The following INTS7 variants were observed in gnomAD, a reference collection of about 807,000 sequenced individuals.
INTS7 encodes the protein chromosome 1 open reading frame 73.
INTS7 carries 46 observed loss-of-function variants against 109.2 expected under a neutral mutation model. The observed-to-expected ratio is 0.42, with a 90% CI of 0.33 to 0.54. The LOEUF is 0.54. Among genes scored for constraint, INTS7 ranks in the 20% least tolerant of loss-of-function variants. The probability of loss-of-function intolerance (pLI) is 0.07; values close to 1 mark genes in which losing one functional copy is unlikely to be tolerated. For missense variants in INTS7, 929 were observed against 1,132.4 expected, an observed-to-expected ratio of 0.82 and a Z score of 2.58; for synonymous variants, 412 against 402.9, an observed-to-expected ratio of 1.02 and a Z score of -0.27.
chr1:212,008,089 A>G (rs990269614), intron 5 of INTS7, among the ~76,000 whole-genome samples: 1 of 152,220 alleles, frequency 6.6e-6, no homozygotes, highest in Non-Finnish European at 1.5e-5. Context: ...ACATGCCACA[A>G]GCTAATTATA....
intron 13 of INTS7, among the ~76,000 whole-genome samples, chr1:211,969,805 G>A (rs1400264077): frequency 6.0e-5 from 9 of 150,948 alleles, no homozygotes; most frequent in South Asian, 2.1e-4. Flanking sequence ...TGCAAGCTCC[G>A]TCTTCCGGGT....
At chr1:211,951,358 G>A (rs185528470) in intron 17 of INTS7, among the ~76,000 whole-genome samples, 26 of 152,268 alleles carry the variant, frequency 1.7e-4, no homozygotes, top group Middle Eastern at 3.4e-3. Context: ...GCCCGGGCTG[G>A]AGTGCAGTGG....
At chr1:211,983,966 G>T (rs553778010) in intron 8 of INTS7, among the ~76,000 whole-genome samples, 5 of 151,996 alleles carry the variant, frequency 3.3e-5, no homozygotes, top group African/African-American at 9.6e-5. Context: ...CAGGACTCCA[G>T]CGATCCTCCC....
intron 7 of INTS7, among the ~76,000 whole-genome samples, chr1:212,000,686 C>A (rs759188943): frequency 5.3e-5 from 8 of 152,304 alleles, no homozygotes; most frequent in Non-Finnish European, 1.2e-4. Context: ...TTCTTTAAAA[C>A]CTTTCTCTTT....
intron 3 of INTS7, among the ~76,000 whole-genome samples, chr1:212,017,617 A>T (rs1666497918): frequency 6.6e-6 from 1 of 152,260 alleles, no homozygotes; most frequent in African/African-American, 2.4e-5. Flanking sequence ...AAGGAAAAAA[A>T]TCTATTGTTT....
intron 8 of INTS7, among the ~76,000 whole-genome samples, chr1:211,986,281 A>T (rs1008463726): frequency 6.6e-6 from 1 of 152,110 alleles, no homozygotes; most frequent in African/African-American, 2.4e-5. Flanking sequence ...GACCATAATC[A>T]CACAAGTGAC....
At position 211,968,708 on chromosome 1, in the gene INTS7, CT is replaced by C. The variant is rs1343631626; in HGVS notation, c.1816-2del. On this transcript the variant is annotated splice_acceptor_variant, in intron 13 of 19. Coordinates refer to ENST00000366994, the MANE Select transcript of INTS7 (RefSeq NM_015434.4). LOFTEE classifies it high-confidence loss of function. Reference sequence around the variant, plus strand: ...AAGGATTCAGTGGTGTACTAGCTGCCTGGGAAAAAAAAAAAAAAGAGATATT... The same window carrying C: ...AAGGATTCAGTGGTGTACTAGCTGCCGGGAAAAAAAAAAAAAAGAGATATT... 1 of 1,536,964 alleles carries C rather than the reference CT, an allele frequency of 6.5e-7. No homozygotes were observed. Among genetic ancestry groups the C allele is most frequent in the Non-Finnish European group, 8.7e-7 (1 of 1,143,194 alleles).
At chr1:212,031,560 C>A (rs532679489) in intron 1 of INTS7, among the ~76,000 whole-genome samples, 7 of 152,188 alleles carry the variant, frequency 4.6e-5, no homozygotes, top group Non-Finnish European at 1.0e-4. Context: ...AACTTCTTGT[C>A]CTGACTAACG....
At chr1:212,002,776 T>A (rs1332178121) in intron 7 of INTS7, among the ~76,000 whole-genome samples, 2 of 152,234 alleles carry the variant, frequency 1.3e-5, no homozygotes, top group Admixed American at 6.5e-5. Context: ...TTTATCACTG[T>A]CTGACGTCTC....
At chr1:212,009,706 T>C (rs985024202) in intron 5 of INTS7, among the ~76,000 whole-genome samples, 1 of 152,242 alleles carries the variant, frequency 6.6e-6, no homozygotes, top group Non-Finnish European at 1.5e-5. Flanking sequence ...CCTTGAGTTA[T>C]CTTAATTCAA....
chr1:212,019,400 A>G (rs1484185795), intron 3 of INTS7, among the ~76,000 whole-genome samples: 5 of 152,206 alleles, frequency 3.3e-5, no homozygotes, highest in Non-Finnish European at 4.4e-5. Flanking sequence ...TCTGAACAAG[A>G]AGGAAGAACT....
intron 13 of INTS7, among the ~76,000 whole-genome samples, chr1:211,970,934 G>A (rs1055183034): frequency 1.3e-5 from 2 of 152,180 alleles, no homozygotes; most frequent in Non-Finnish European, 2.9e-5. Context: ...AGGAACAGGA[G>A]TATTCTTAGC....
Position 211,941,791 on chromosome 1 carries a change from C to T in INTS7, c.*33G>A, listed in dbSNP as rs773136019. 5 of 1,597,168 alleles carry T rather than the reference C, an allele frequency of 3.1e-6. No homozygotes were observed. The highest frequency in any genetic ancestry group is 2.3e-5 in the South Asian group (2 of 88,166). ...AACTGTTTCTGGCAATTTGATTGAT[C>T]TCTTGAGAGTCTGCAGTGCATTCAT... is the stretch of plus-strand genomic sequence containing the variant. On this transcript the variant is annotated 3_prime_UTR_variant, in exon 20 of 20. Transcript: ENST00000366994.
intron 16 of INTS7, 142 bp from the exon 17 acceptor site, chr1:211,952,843 C>T (rs1361589170): frequency 2.4e-6 from 2 of 826,800 alleles, no homozygotes; most frequent in Non-Finnish European, 3.7e-6. Flanking sequence ...AAAATTGAGG[C>T]TAGGAGAGGG....
chr1:211,954,756 ATC>A (rs1210008038), intron 16 of INTS7, among the ~76,000 whole-genome samples: 9 of 152,128 alleles, frequency 5.9e-5, no homozygotes, highest in African/African-American at 2.2e-4. Context: ...ATTGATCTAC[ATC>A]TCTGTTTTGG....
intron 7 of INTS7, among the ~76,000 whole-genome samples, chr1:212,004,518 T>C (rs1010315101): frequency 6.6e-6 from 1 of 152,172 alleles, no homozygotes; most frequent in Admixed American, 6.5e-5. Context: ...AAGAGACACA[T>C]TTAAGGGACC....
intron 1 of INTS7, among the ~76,000 whole-genome samples, chr1:212,022,870 A>G (rs1666768907): frequency 6.6e-6 from 1 of 152,122 alleles, no homozygotes; most frequent in Non-Finnish European, 1.5e-5. Flanking sequence ...AGTACCCAAT[A>G]AGCAGTTTTT....
chr1:211,974,276 A>ATATATATAT (rs1553249482), intron 13 of INTS7, among the ~76,000 whole-genome samples: 102 of 92,374 alleles, frequency 1.1e-3, no homozygotes, highest in African/African-American at 3.9e-3. Context: ...AGAAAAAAAA[A>ATATATATAT]ATATATATAT....
In INTS7 at chr1:211,987,909, T is replaced by C. The variant is rs377031499; in HGVS notation, c.974A>G (p.Lys325Arg). The C allele has an allele frequency of 6.9e-6, 11 of 1,600,062 alleles. No homozygotes were observed. The highest frequency in any genetic ancestry group is 6.7e-5 in the Admixed American group (4 of 59,902). Residue 325 changes from lysine to arginine, a missense_variant, in exon 8 of 20, where the codon AAA (lysine) becomes AGA (arginine). This residue lies in a region of INTS7 where 787 missense variants were observed against 901.1 expected (regional missense o/e 0.87). Transcript: ENST00000366994. The part of the protein sequence containing the change: ...LSTLSGTIAI[K>R]HYFSIVPGNV... Reference sequence around the variant, plus strand: ...ACCTGGAACTATACTGAAGTAATGTTTGATGGCGATGGTCCCTGATAGTGT... The same window carrying C: ...ACCTGGAACTATACTGAAGTAATGTCTGATGGCGATGGTCCCTGATAGTGT...
Sources: allele counts gnomAD v4.1 joint callset (sites outside exome capture counted in the v4.1 genomes callset), GRCh38; gene constraint gnomAD v4.1.1; regional missense constraint gnomAD v4.1.1; transcripts MANE v1.5; gene names NCBI Gene and HGNC (gene_info 2026-07-23, HGNC 2026-07-21).